Variants in HDAC9 observed in about 807,000 individuals in gnomAD.
The protein encoded by HDAC9 is histone deacetylase 9.
In HDAC9, 41 loss-of-function variants were observed where a neutral mutation model predicts 139.4. The ratio of observed to expected loss-of-function variants is 0.29; its 90% CI spans 0.23 to 0.38. HDAC9 has a LOEUF of 0.38. Among genes scored for constraint, HDAC9 ranks in the 10% least tolerant of loss-of-function variants. The probability of loss-of-function intolerance (pLI) is 1.00; values close to 1 mark genes in which losing one functional copy is unlikely to be tolerated. For missense variants in HDAC9, 1,147 were observed against 1,297.0 expected (o/e 0.88, Z 1.78); for synonymous variants, 517 against 476.2 (o/e 1.09, Z -1.12).
chr7:18,491,781 C>T (rs962598490), upstream of HDAC9, among the ~76,000 whole-genome samples: 10 of 151,934 alleles, frequency 6.6e-5, no homozygotes, highest in African/African-American at 1.9e-4. Context: ...AACCAGTTCA[C>T]CTCCTGTGTC....
intron 6 of HDAC9, among the ~76,000 whole-genome samples, chr7:18,622,753 T>C (rs1840566586): frequency 6.6e-6 from 1 of 152,154 alleles, no homozygotes; most frequent in South Asian, 2.1e-4. Flanking sequence ...ATGATAATTT[T>C]CAATAAGAAT....
intron 22 of HDAC9, among the ~76,000 whole-genome samples, chr7:18,887,903 C>T (rs1164778059): frequency 1.3e-5 from 2 of 152,110 alleles, no homozygotes; most frequent in African/African-American, 4.8e-5. Flanking sequence ...ACAGAGAAGT[C>T]ATCAGGAGTT....
chr7:18,955,283 A>G (rs555085689), intron 24 of HDAC9, among the ~76,000 whole-genome samples: 2 of 152,094 alleles, frequency 1.3e-5, no homozygotes, highest in African/African-American at 4.8e-5. Flanking sequence ...AAATCCTGTC[A>G]TTGTCCTGTC....
At chr7:18,134,592 G>T (rs757976242) in intron 1 of HDAC9, among the ~76,000 whole-genome samples, 11 of 152,150 alleles carry the variant, frequency 7.2e-5, no homozygotes, top group Non-Finnish European at 1.5e-4. Context: ...CAGATCAGTT[G>T]TAAGTTATCA....
intron 2 of HDAC9, among the ~76,000 whole-genome samples, chr7:18,187,633 T>G (rs73062436): frequency 0.035 from 5,285 of 152,294 alleles, 141 homozygotes; most frequent in East Asian, 0.11. Context: ...TATTACTCCT[T>G]GCTGCTACTA....
chr7:18,923,717 C>T (rs1476973267), intron 22 of HDAC9, among the ~76,000 whole-genome samples: 1 of 152,010 alleles, frequency 6.6e-6, no homozygotes, highest in Non-Finnish European at 1.5e-5. Context: ...GGGCTTCACT[C>T]ACAAGTAGAC....
intron 2 of HDAC9, among the ~76,000 whole-genome samples, chr7:18,570,044 ATC>A (rs1431416503): frequency 6.6e-6 from 1 of 152,196 alleles, no homozygotes; most frequent in Non-Finnish European, 1.5e-5. Context: ...ATGATTTAGT[ATC>A]TCTCTCTGTC....
intron 2 of HDAC9, among the ~76,000 whole-genome samples, chr7:18,244,397 C>T (rs1202783389): frequency 6.6e-6 from 1 of 152,186 alleles, no homozygotes; most frequent in African/African-American, 2.4e-5. Context: ...TTTTAAATCA[C>T]TATTTGTTCA....
At chr7:18,657,400 C>A (rs1016495819) in intron 11 of HDAC9, among the ~76,000 whole-genome samples, 1 of 151,996 alleles carries the variant, frequency 6.6e-6, no homozygotes, top group Non-Finnish European at 1.5e-5. Context: ...AGACCCATTC[C>A]CAAATCATCA....
chr7:18,856,167 C>G (rs73320009), intron 21 of HDAC9, among the ~76,000 whole-genome samples: 1 of 151,994 alleles, frequency 6.6e-6, no homozygotes, highest in Admixed American at 6.6e-5. Flanking sequence ...CTGAGAGATA[C>G]GGCATCATAG....
intron 22 of HDAC9, among the ~76,000 whole-genome samples, chr7:18,878,945 A>AAC (rs1799525361): frequency 6.6e-6 from 1 of 152,192 alleles, no homozygotes; most frequent in Non-Finnish European, 1.5e-5. Flanking sequence ...TTGGCTGACA[A>AAC]ACAACTTCAT....
intron 1 of HDAC9, among the ~76,000 whole-genome samples, chr7:18,442,742 G>C (rs547298832): frequency 4.6e-5 from 7 of 152,294 alleles, no homozygotes; most frequent in Admixed American, 1.3e-4. Context: ...TGGAAAAGCT[G>C]TATTTTTTCT....
intron 1 of HDAC9, among the ~76,000 whole-genome samples, chr7:18,459,839 A>G (rs1793676441): frequency 6.6e-6 from 1 of 151,982 alleles, no homozygotes; most frequent in Non-Finnish European, 1.5e-5. Context: ...CATCTATTCC[A>G]CTTTAAATAT....
At chr7:18,382,733 A>T (rs1285055341) in intron 1 of HDAC9, among the ~76,000 whole-genome samples, 2 of 152,270 alleles carry the variant, frequency 1.3e-5, no homozygotes, top group African/African-American at 4.8e-5. Context: ...TAAGCTGAGG[A>T]TGTAAAATAC....
chr7:18,158,699 T>C (rs913005590), intron 1 of HDAC9, among the ~76,000 whole-genome samples: 23 of 152,222 alleles, frequency 1.5e-4, no homozygotes, highest in Admixed American at 1.3e-4. Context: ...CTTTGTGACA[T>C]ATAAAGCTCT....
At chr7:18,728,452 G>T (rs1320873672) in intron 13 of HDAC9, among the ~76,000 whole-genome samples, 2 of 150,284 alleles carry the variant, frequency 1.3e-5, no homozygotes, top group African/African-American at 4.9e-5. Flanking sequence ...CACACAAAGG[G>T]TGCTATTCCC....
In HDAC9 at chr7:18,997,494, A is replaced by G. The variant is rs1786534997; in HGVS notation, c.*1432A>G. The stretch of plus-strand genomic sequence containing the variant: ...AACATATTGAGGTAGAATATCTCAC[A>G]GTATTTAATATCTGACAATGCTTTT... On this transcript the variant is annotated 3_prime_UTR_variant, in exon 26 of 26. Transcript: ENST00000686413. The G allele has an allele frequency of 6.6e-6, 1 of 152,198 alleles. No homozygotes were observed. The highest frequency in any genetic ancestry group is 1.5e-5 in the Non-Finnish European group (1 of 68,018). 9.4% of individuals were successfully genotyped at this position (152,198 alleles called of 1,614,324 possible).
At chr7:18,571,632 T>A (rs986545577) in intron 2 of HDAC9, among the ~76,000 whole-genome samples, 42 of 150,150 alleles carry the variant, frequency 2.8e-4, no homozygotes, top group African/African-American at 1.0e-3. Context: ...TATTTTTTAT[T>A]TTTTTTTTTG....
intron 2 of HDAC9, among the ~76,000 whole-genome samples, chr7:18,249,974 A>G (rs76681260): frequency 2.6e-4 from 39 of 152,340 alleles, no homozygotes; most frequent in Non-Finnish European, 4.3e-4. Flanking sequence ...TCAGCTGTGA[A>G]GTAAATAACC....
Sources: gnomAD v4.1 joint callset for allele counts (sites outside exome capture counted in the v4.1 genomes callset) on GRCh38, gnomAD v4.1.1 for gene constraint, MANE v1.5 for transcripts, NCBI Gene and HGNC (gene_info 2026-07-23, HGNC 2026-07-21) for gene names.